The following PLPPR4 variants were observed in gnomAD, a reference collection of about 807,000 sequenced individuals.
PLPPR4 encodes the protein phospholipid phosphatase-related protein type 4.
In PLPPR4, 24 loss-of-function variants were observed where a neutral mutation model predicts 56.6. That is an observed-to-expected ratio of 0.42 (90% CI 0.31 to 0.60). PLPPR4 has a LOEUF of 0.60. Among genes scored for constraint, PLPPR4 ranks in the 20% least tolerant of loss-of-function variants. The pLI, the probability that PLPPR4 is intolerant of heterozygous loss-of-function variation, is 0.13. For missense variants in PLPPR4, 654 were observed against 885.8 expected, an observed-to-expected ratio of 0.74 and a Z score of 3.32; for synonymous variants, 326 against 328.1, an observed-to-expected ratio of 0.99 and a Z score of 0.07.
chr1:99,285,156 A>G (rs1230630003), intron 1 of PLPPR4, among the ~76,000 whole-genome samples: 1 of 152,198 alleles, frequency 6.6e-6, no homozygotes, highest in Non-Finnish European at 1.5e-5. Context: ...ACTAGAATTC[A>G]TGGATTCAAA....
At chr1:99,297,671 C>T (rs1659776400) in intron 3 of PLPPR4, among the ~76,000 whole-genome samples, 1 of 152,000 alleles carries the variant, frequency 6.6e-6, no homozygotes, top group Admixed American at 6.6e-5. Flanking sequence ...AATTTCTTTC[C>T]CACAAGAGGA....
upstream of PLPPR4, chr1:99,264,131 C>T (rs1308217163): frequency 2.5e-6 from 1 of 397,674 alleles, no homozygotes; most frequent in Non-Finnish European, 4.5e-6. Flanking sequence ...CTAGAGTGAC[C>T]TAGGAGGCTC....
intron 2 of PLPPR4, among the ~76,000 whole-genome samples, chr1:99,295,246 T>C (rs1276116339): frequency 6.6e-6 from 1 of 152,198 alleles, no homozygotes; most frequent in Non-Finnish European, 1.5e-5. Flanking sequence ...ATAATTACTC[T>C]TTAAATTTTT....
Position 99,308,162 on chromosome 1 carries a change from C to A in PLPPR4, c.*1152C>A, listed in dbSNP as rs1660090247. The A allele has an allele frequency of 6.6e-6, 1 of 151,766 alleles. No individual in the cohort carries two copies. The highest frequency in any genetic ancestry group is 2.1e-4 in the South Asian group (1 of 4,810). The allele number at this position is 151,766 out of a possible 1,614,324, so 9.4% of individuals were successfully genotyped here. A position where few individuals can be genotyped will look rare whatever the true frequency, so the allele number is the denominator to read the frequency against. On this transcript the variant is annotated 3_prime_UTR_variant, in exon 7 of 7. Coordinates refer to ENST00000370185, the MANE Select transcript of PLPPR4 (RefSeq NM_014839.5). ...ATTATTAACTTTTTTTTTCTATATC[C>A]TGATGACCAGTAAATTAGAGCCACA...
rs983865452 is a variant in PLPPR4, at chr1:99,308,910, G to A, written c.*1900G>A. ...TAGAGGAAAAGGTGGGCTGGTTTTA[G>A]TACTCTGAAGGACAAAAACAAGCAA... On this transcript the variant is annotated 3_prime_UTR_variant, in exon 7 of 7. Coordinates refer to ENST00000370185, the MANE Select transcript of PLPPR4 (RefSeq NM_014839.5). 6.6e-6 allele frequency: 1 copy of A among 152,542 alleles called. No individual in the cohort carries two copies. The highest frequency in any genetic ancestry group is 6.6e-5 in the Admixed American group (1 of 15,256). The allele number at this position is 152,542 out of a possible 1,614,324, so 9.4% of individuals were successfully genotyped here. A position where few individuals can be genotyped will look rare whatever the true frequency, so the allele number is the denominator to read the frequency against.
At chr1:99,266,030 T>C (rs1056730405) in intron 1 of PLPPR4, among the ~76,000 whole-genome samples, 2 of 152,212 alleles carry the variant, frequency 1.3e-5, no homozygotes, top group Non-Finnish European at 2.9e-5. Flanking sequence ...CTTTCTCTTT[T>C]CACAAGAGAT....
intron 1 of PLPPR4, among the ~76,000 whole-genome samples, chr1:99,267,513 C>A (rs959467287): frequency 6.6e-6 from 1 of 152,114 alleles, no homozygotes; most frequent in African/African-American, 2.4e-5. Flanking sequence ...TATAAATACA[C>A]CTGTATTCAT....
intron 1 of PLPPR4, among the ~76,000 whole-genome samples, chr1:99,274,530 A>C (rs1350838039): frequency 6.6e-6 from 1 of 152,148 alleles, no homozygotes; most frequent in Non-Finnish European, 1.5e-5. Flanking sequence ...TGTATGTTTT[A>C]TACAGTGTGC....
chr1:99,300,992 A>T (rs1302861985), intron 5 of PLPPR4, 26 bp downstream of exon 5: 1 of 1,598,800 alleles, frequency 6.3e-7, no homozygotes, highest in Admixed American at 1.7e-5. Flanking sequence ...TTTTTTGTTA[A>T]GTTGTGTTCT....
At chr1:99,276,699 G>A (rs1031270583) in intron 1 of PLPPR4, among the ~76,000 whole-genome samples, 1 of 152,080 alleles carries the variant, frequency 6.6e-6, no homozygotes, top group Non-Finnish European at 1.5e-5. Context: ...AGATAGTTTA[G>A]TAAGCAATGA....
At chr1:99,280,612 C>T (rs1472187487) in intron 1 of PLPPR4, among the ~76,000 whole-genome samples, 3 of 151,962 alleles carry the variant, frequency 2.0e-5, no homozygotes, top group Admixed American at 1.3e-4. Context: ...ACAGATCCTT[C>T]GATAAAGTTA....
intron 2 of PLPPR4, among the ~76,000 whole-genome samples, chr1:99,294,096 T>C (rs1247888819): frequency 9.2e-6 from 1 of 108,504 alleles, no homozygotes; most frequent in East Asian, 2.9e-4. Flanking sequence ...CACTGTGCCA[T>C]TCAAAAAAAA....
In PLPPR4 at chr1:99,306,846, G is replaced by C; in HGVS notation, c.1984G>C (p.Gly662Arg). 3.7e-6 allele frequency: 6 copies of C among 1,614,066 alleles called. No individual in the cohort carries two copies. Among genetic ancestry groups the C allele is most frequent in the Non-Finnish European group, 5.1e-6 (6 of 1,180,006 alleles). The change falls in exon 7 of 7, where the codon GGC becomes CGC. Residue 662 changes from glycine to arginine, a missense_variant. Gly to Arg is a moderately radical substitution (Grantham distance 125). Transcript: ENST00000370185. This position sits in a 1 kb window ranked among gnomAD's most constrained non-coding sequence, Gnocchi z 4.0. ...CACCATCCGCGTCACCCCAGTAGAG[G>C]GCAGCGAAATTGGCTCAGAGACGCT... is the stretch of plus-strand genomic sequence containing the variant. ...ITTIRVTPVE[G>R]SEIGSETLSI...
intron 1 of PLPPR4, among the ~76,000 whole-genome samples, chr1:99,286,060 T>C (rs901370471): frequency 3.3e-5 from 5 of 152,200 alleles, no homozygotes; most frequent in African/African-American, 1.2e-4. Flanking sequence ...ACAAAAATGG[T>C]ACACAAAGCC....
chr1:99,268,795 AG>A (rs1360778620), intron 1 of PLPPR4, among the ~76,000 whole-genome samples: 1 of 152,212 alleles, frequency 6.6e-6, no homozygotes, highest in African/African-American at 2.4e-5. Context: ...GCAGGTAAAA[AG>A]CAATGTTCCA....
At chr1:99,272,004 G>A (rs1468573049) in intron 1 of PLPPR4, among the ~76,000 whole-genome samples, 1 of 149,984 alleles carries the variant, frequency 6.7e-6, no homozygotes, top group South Asian at 2.1e-4. Context: ...GGTTTTCTAA[G>A]CTGGCTTATT....
intron 1 of PLPPR4, among the ~76,000 whole-genome samples, chr1:99,269,997 TTGTGTGTGTGTGTGTGTGTGTGTGTGTG>T (rs10612152): frequency 1.5e-5 from 2 of 134,472 alleles, no homozygotes; most frequent in Non-Finnish European, 3.2e-5. Context: ...TTCATTCCTT[TTGTGTGTGTGTGTGTGTGTGTGTGTGTG>T]TGTGTGTGTG....
At chr1:99,275,441 TA>T (rs1294048800) in intron 1 of PLPPR4, among the ~76,000 whole-genome samples, 4 of 152,200 alleles carry the variant, frequency 2.6e-5, no homozygotes, top group Non-Finnish European at 5.9e-5. Flanking sequence ...AAATTCTTTT[TA>T]TTATTTATTT....
intron 4 of PLPPR4, among the ~76,000 whole-genome samples, chr1:99,299,457 C>G (rs819912): frequency 0.11 from 17,428 of 151,964 alleles, 1,282 homozygotes; most frequent in African/African-American, 0.2. Context: ...CTACTAGTCC[C>G]TATTTCACCA....
Sources: gnomAD v4.1 joint callset for allele counts (sites outside exome capture counted in the v4.1 genomes callset) on GRCh38, gnomAD v4.1.1 for gene constraint, Gnocchi (gnomAD v3.1) non-coding constraint, MANE v1.5 for transcripts, NCBI Gene and HGNC (gene_info 2026-07-23, HGNC 2026-07-21) for gene names.